Variants in MAP4K2 observed in about 807,000 individuals in gnomAD.
MAP4K2 encodes the protein mitogen-activated protein kinase kinase kinase kinase 2, also known as B lymphocyte serine/threonine protein kinase.
MAP4K2 carries 85 observed loss-of-function variants against 125.3 expected under a neutral mutation model. That is an observed-to-expected ratio of 0.68 (90% CI 0.57 to 0.81). The LOEUF is 0.81. MAP4K2 is among the 40% of genes least tolerant of loss of function. The probability of loss-of-function intolerance (pLI) is 0.00; values close to 1 mark genes in which losing one functional copy is unlikely to be tolerated. For synonymous variants in MAP4K2, 479 were observed against 445.1 expected (o/e 1.08, Z -0.96); for missense variants, 923 against 1,056.4 (o/e 0.87, Z 1.75).
intron 24 of MAP4K2, among the ~76,000 whole-genome samples, chr11:64,793,158 G>A (rs1940601185): frequency 6.6e-6 from 1 of 152,142 alleles, no homozygotes; most frequent in African/African-American, 2.4e-5. Flanking sequence ...GGAGGTTGCA[G>A]TGAGCCGAGA....
intron 29 of MAP4K2, 95 bp from the exon 30 acceptor site, chr11:64,790,054 C>T (rs541401417): frequency 5.6e-5 from 86 of 1,542,812 alleles, no homozygotes; most frequent in Non-Finnish European, 7.4e-5. Context: ...TCCTCACTGA[C>T]CTCAGGTGAC....
intron 4 of MAP4K2, 106 bp downstream of exon 4, chr11:64,802,313 A>C (rs1941249854): frequency 8.2e-7 from 1 of 1,224,714 alleles, no homozygotes. Context: ...GCCAGGCAGG[A>C]GTGGAGAGGA....
chr11:64,800,490 G>C (rs918415403), intron 10 of MAP4K2, 98 bp from the exon 11 acceptor site: 1 of 1,378,124 alleles, frequency 7.3e-7, no homozygotes, highest in Non-Finnish European at 1.0e-6. Flanking sequence ...GCGTCTGCTG[G>C]GCCCACCCAG....
intron 21 of MAP4K2, 24 bp downstream of exon 21, chr11:64,796,785 C>G (rs374797154): frequency 4.3e-6 from 7 of 1,613,524 alleles, no homozygotes; most frequent in African/African-American, 1.3e-5. Flanking sequence ...CTTGGGCTCC[C>G]GCTTCCTCCC....
rs555413656 is a variant in MAP4K2, at chr11:64,800,017, T to C, written c.915+92A>G. 1.1e-4 allele frequency: 112 copies of C among 1,059,152 alleles called. No individual in the cohort carries two copies. In the African/African-American group the frequency reaches 1.6e-3, roughly 15 times the overall value. 65.6% of individuals were successfully genotyped at this position (1,059,152 alleles called of 1,614,324 possible). A position where few individuals can be genotyped will look rare whatever the true frequency, so the allele number is the denominator to read the frequency against. ...CTGAGGCCAGCTCCCTGAGCTGGAA[T>C]GGTGCCAGTTAAAGGACCTCCACCA... On this transcript the variant is annotated intron_variant, in intron 12 of 31. Transcript: ENST00000294066.
In MAP4K2 at chr11:64,791,948, G is replaced by A; in HGVS notation, c.2053C>T (p.Leu685=). ...GCRVLFHVLP[L]EAGLTPDILI... ...ATGTCGGGCGTCAGGCCAGCCTCCA[G>A]GGGCAGGACATGGAACAGGACGCGG... Residue 685 remains leucine, a synonymous_variant, in exon 27 of 32, where the codon CTG becomes TTG. Coordinates refer to ENST00000294066, the MANE Select transcript of MAP4K2 (RefSeq NM_004579.5). 1.9e-6 allele frequency: 3 copies of A among 1,605,080 alleles called. No individual in the cohort carries two copies. Among genetic ancestry groups the A allele is most frequent in the Non-Finnish European group, 2.6e-6 (3 of 1,175,884 alleles).
Position 64,788,419 on chromosome 11 carries a change from G to A in MAP4K2, c.*1118C>T, listed in dbSNP as rs1381225384. ...GCTGATCAGTGCCTGGGGCAAAAGA[G>A]GATGCCCAGCCCTGGGGGCCCTGGC... On this transcript the variant is annotated 3_prime_UTR_variant, in exon 32 of 32. Coordinates refer to ENST00000294066, the MANE Select transcript of MAP4K2 (RefSeq NM_004579.5). The A allele has an allele frequency of 6.6e-6, 1 of 152,396 alleles. No homozygotes were observed. The highest frequency in any genetic ancestry group is 2.4e-5 in the African/African-American group (1 of 41,448). 9.4% of individuals were successfully genotyped at this position (152,396 alleles called of 1,614,324 possible).
chr11:64,802,364 G>T lies in MAP4K2; in HGVS notation c.310+55C>A, dbSNP rs534905898. The T allele has an allele frequency of 6.8e-6, 10 of 1,478,930 alleles. No individual in the cohort carries two copies. In the East Asian group the frequency reaches 2.0e-4, roughly 29 times the overall value. 91.6% of individuals were successfully genotyped at this position (1,478,930 alleles called of 1,614,324 possible). On this transcript the variant is annotated intron_variant, in intron 4 of 31. Coordinates refer to ENST00000294066, the MANE Select transcript of MAP4K2 (RefSeq NM_004579.5). ...CCAGAGTCCCCTCTGGTACCCCAGTGGGGTAGGGGTGGGGGAAGGCTGGGG... is the reference window on the plus strand; with the variant it reads ...CCAGAGTCCCCTCTGGTACCCCAGTTGGGTAGGGGTGGGGGAAGGCTGGGG...
intron 27 of MAP4K2, among the ~76,000 whole-genome samples, chr11:64,791,044 G>A (rs1010612486): frequency 6.6e-6 from 1 of 152,236 alleles, no homozygotes; most frequent in Non-Finnish European, 1.5e-5. Flanking sequence ...GCTGAGGCAA[G>A]AGAATAGCTT....
rs964816881 is a variant in MAP4K2, at chr11:64,788,847, A to C, written c.*690T>G. On this transcript the variant is annotated 3_prime_UTR_variant, in exon 32 of 32. Coordinates refer to ENST00000294066, the MANE Select transcript of MAP4K2 (RefSeq NM_004579.5). ...CCTACGTGGGGCAAGGGTGCCCTGGATGAGAGTCCCTTTGTTGAGGTCCCC... is the reference window on the plus strand; with the variant it reads ...CCTACGTGGGGCAAGGGTGCCCTGGCTGAGAGTCCCTTTGTTGAGGTCCCC... 1 of 152,428 alleles carries C rather than the reference A, an allele frequency of 6.6e-6. No individual in the cohort carries two copies. The highest frequency in any genetic ancestry group is 2.4e-5 in the African/African-American group (1 of 41,414). The allele number at this position is 152,428 out of a possible 1,614,324, so 9.4% of individuals were successfully genotyped here.
At chr11:64,799,767 C>T (rs1057372007) in intron 12 of MAP4K2, 84 bp from the exon 13 acceptor site, 4 of 1,147,514 alleles carry the variant, frequency 3.5e-6, no homozygotes, top group African/African-American at 1.5e-5. Flanking sequence ...CGCACCAGTG[C>T]GTTTTGCTTT....
At chr11:64,791,740 T>C (rs971284443) in intron 27 of MAP4K2, among the ~76,000 whole-genome samples, 169 bp downstream of exon 27, 3 of 152,162 alleles carry the variant, frequency 2.0e-5, no homozygotes, top group Non-Finnish European at 4.4e-5. Context: ...CAGGTGAAGC[T>C]TGTTGAAGGG....
intron 24 of MAP4K2, among the ~76,000 whole-genome samples, chr11:64,795,501 A>G (rs964023075): frequency 6.6e-6 from 1 of 151,792 alleles, no homozygotes; most frequent in African/African-American, 2.4e-5. Flanking sequence ...CTCAGGTTCA[A>G]GCGATTCTCC....
At chr11:64,794,972 A>G (rs2136042497) in intron 24 of MAP4K2, among the ~76,000 whole-genome samples, 1 of 151,870 alleles carries the variant, frequency 6.6e-6, no homozygotes, top group South Asian at 2.1e-4. Context: ...AGTTCACTTC[A>G]ACCTCAACCT....
intron 16 of MAP4K2, 40 bp from the exon 17 acceptor site, chr11:64,797,574 T>A (rs1208937234): frequency 6.3e-7 from 1 of 1,576,750 alleles, no homozygotes; most frequent in East Asian, 2.3e-5. Flanking sequence ...GAGGTGTGAC[T>A]GGCACCAAGG....
chr11:64,794,912 G>T (rs1470228811), intron 24 of MAP4K2, among the ~76,000 whole-genome samples: 1 of 149,822 alleles, frequency 6.7e-6, no homozygotes, highest in African/African-American at 2.5e-5. Context: ...TTTGAGACAA[G>T]GTCTTGCTCT....
Position 64,797,646 on chromosome 11 carries a change from GACCGACT to G in MAP4K2, c.1109_1115del (p.Gln370ProfsTer10). ...CTCACCTTTCCTCCAGGGCCTCCTG[GACCGACT>G]GCAGCAGGCTCCTGGGCAGTGGGGA... On this transcript the variant is annotated frameshift_variant, in exon 16 of 32. Coordinates refer to ENST00000294066, the MANE Select transcript of MAP4K2 (RefSeq NM_004579.5). LOFTEE classifies it high-confidence loss of function. The G allele has an allele frequency of 6.3e-7, 1 of 1,578,398 alleles. No individual in the cohort carries two copies.
rs1461017221 is a variant in MAP4K2, at chr11:64,786,491, G to T, written c.*3046C>A. 2 of 152,300 alleles carry T rather than the reference G, an allele frequency of 1.3e-5. No individual in the cohort carries two copies. The highest frequency in any genetic ancestry group is 4.1e-4 in the South Asian group (2 of 4,828). 9.4% of individuals were successfully genotyped at this position (152,300 alleles called of 1,614,324 possible). A position where few individuals can be genotyped will look rare whatever the true frequency, so the allele number is the denominator to read the frequency against. ...AACACGGCAGATCCTCCGCCGTCCC[G>T]AAGCACACATCATGGTGCTCCCCTT... On this transcript the variant is annotated 3_prime_UTR_variant, in exon 32 of 32. Coordinates refer to ENST00000294066, the MANE Select transcript of MAP4K2 (RefSeq NM_004579.5).
At position 64,793,510 on chromosome 11, in the gene MAP4K2, C is replaced by G. The variant is rs1473956412; in HGVS notation, c.1752-1088G>C. ...GCCTTGGCCACTGAGTGTCCCCTAA[C>G]CCTCCAGGGGACCCTCTCAGCCTGT... is the stretch of plus-strand genomic sequence containing the variant. On this transcript the variant is annotated intron_variant, in intron 24 of 31. Transcript: ENST00000294066. 2.0e-5 allele frequency among the ~76,000 whole-genome samples: 3 copies of G among 152,168 alleles called. No individual in the cohort carries two copies. In the East Asian group the frequency reaches 5.8e-4, roughly 29 times the overall value.
Sources: allele counts gnomAD v4.1 joint callset (sites outside exome capture counted in the v4.1 genomes callset), GRCh38; gene constraint gnomAD v4.1.1; transcripts MANE v1.5; gene names NCBI Gene and HGNC (gene_info 2026-07-23, HGNC 2026-07-21).